The following CHD2 variants were observed in gnomAD, a reference collection of about 807,000 sequenced individuals.
CHD2 encodes the protein ATP-dependent chromatin remodeler CHD2.
Under a neutral mutation model 243.9 loss-of-function variants are expected in CHD2, and 28 were observed. The ratio of observed to expected loss-of-function variants is 0.11; its 90% CI spans 0.09 to 0.16. CHD2 has a LOEUF of 0.16. CHD2 is among the 10% of genes least tolerant of loss of function. The probability of loss-of-function intolerance (pLI) is 1.00; values close to 1 mark genes in which losing one functional copy is unlikely to be tolerated. For missense variants in CHD2, 1,386 were observed against 2,209.8 expected, an observed-to-expected ratio of 0.63 and a Z score of 7.47; for synonymous variants, 775 against 779.0, an observed-to-expected ratio of 0.99 and a Z score of 0.09.
chr15:93,007,011 C>T (rs1244244671), intron 34 of CHD2, among the ~76,000 whole-genome samples: 1 of 152,126 alleles, frequency 6.6e-6, no homozygotes, highest in African/African-American at 2.4e-5. Flanking sequence ...AAATTGTTGC[C>T]CATATTTTCT....
Position 92,998,809 on chromosome 15 carries a change from C to T in CHD2, c.4008+188C>T, listed in dbSNP as rs973393572. ...AATAGAAATGTTCATTTAGGCCTGG[C>T]GCAGTGGCTCATGCCTGTAATCCCA... On this transcript the variant is annotated intron_variant, in intron 31 of 38. Transcript: ENST00000394196. The surrounding 1 kb of genome is among the most constrained non-coding windows in gnomAD (Gnocchi z 5.1). 6.6e-6 allele frequency among the ~76,000 whole-genome samples: 1 copy of T among 152,074 alleles called. No individual in the cohort carries two copies. The highest frequency in any genetic ancestry group is 2.4e-5 in the African/African-American group (1 of 41,400).
At chr15:92,930,601 T>A (rs1278734126) in intron 5 of CHD2, among the ~76,000 whole-genome samples, 5 of 152,076 alleles carry the variant, frequency 3.3e-5, no homozygotes, top group Non-Finnish European at 7.3e-5. Context: ...GCTAAGTTTT[T>A]AAAAATTTAT....
At chr15:92,940,790 TATAAATATATAA>T (rs2053350959) in intron 7 of CHD2, among the ~76,000 whole-genome samples, 1 of 128,800 alleles carries the variant, frequency 7.8e-6, no homozygotes, top group Non-Finnish European at 1.7e-5. Flanking sequence ...ATAAAAAATA[TATAAATATATAA>T]ATAAATATAA....
chr15:92,976,547 G>C (rs1176551992), intron 20 of CHD2, among the ~76,000 whole-genome samples: 1 of 151,614 alleles, frequency 6.6e-6, no homozygotes, highest in Non-Finnish European at 1.5e-5. Flanking sequence ...GCGCATAGTG[G>C]CTCACACCTG....
intron 36 of CHD2, among the ~76,000 whole-genome samples, chr15:93,013,761 C>G (rs1036872612): frequency 4.0e-5 from 6 of 151,834 alleles, no homozygotes; most frequent in African/African-American, 1.2e-4. Context: ...GTGATGAAGC[C>G]TCATCTCTAC....
intron 2 of CHD2, among the ~76,000 whole-genome samples, chr15:92,903,033 T>C (rs1401884510): frequency 6.6e-6 from 1 of 152,216 alleles, no homozygotes; most frequent in African/African-American, 2.4e-5. Context: ...TACTTTTAAA[T>C]TGGTTTGTCA....
At chr15:92,940,842 AT>A (rs2053354988) in intron 7 of CHD2, among the ~76,000 whole-genome samples, 1 of 133,334 alleles carries the variant, frequency 7.5e-6, no homozygotes, top group South Asian at 2.4e-4. Context: ...ATATATAAAA[AT>A]ATATATAAAT....
intron 33 of CHD2, among the ~76,000 whole-genome samples, chr15:93,003,695 C>T (rs2054286105): frequency 6.6e-6 from 1 of 151,180 alleles, no homozygotes; most frequent in Non-Finnish European, 1.5e-5. Flanking sequence ...GATTTTATTA[C>T]TCTTCCTCTG....
intron 2 of CHD2, among the ~76,000 whole-genome samples, chr15:92,903,056 A>G (rs192573474): frequency 5.9e-5 from 9 of 152,336 alleles, no homozygotes; most frequent in Admixed American, 1.3e-4. Flanking sequence ...TATACTTTGA[A>G]TCATATACCT....
At chr15:92,908,577 TTCTG>T (rs1458752581) in intron 2 of CHD2, among the ~76,000 whole-genome samples, 3 of 152,202 alleles carry the variant, frequency 2.0e-5, no homozygotes, top group Non-Finnish European at 4.4e-5. Flanking sequence ...TTGCATGTGT[TTCTG>T]TATGTTTGCA....
chr15:92,914,577 T>C (rs2052799694), intron 2 of CHD2, among the ~76,000 whole-genome samples: 2 of 152,190 alleles, frequency 1.3e-5, no homozygotes, highest in Admixed American at 6.5e-5. Flanking sequence ...TGATTAAAGG[T>C]AAATTTTTTT....
chr15:92,910,280 A>G (rs1809183747), intron 2 of CHD2, among the ~76,000 whole-genome samples: 1 of 152,192 alleles, frequency 6.6e-6, no homozygotes, highest in Non-Finnish European at 1.5e-5. Flanking sequence ...ATTTAATATG[A>G]AAGTCAGTAT....
chr15:92,998,876 G>A lies in CHD2; in HGVS notation c.4008+255G>A, dbSNP rs2054216841. ...AGGCGGGCGGATCACAAGGTCAGGA[G>A]ATTGAGACCATCCTGGCTAATATGG... On this transcript the variant is annotated intron_variant, in intron 31 of 38. Transcript: ENST00000394196. This position sits in a 1 kb window ranked among gnomAD's most constrained non-coding sequence, Gnocchi z 5.1. 2.0e-5 allele frequency among the ~76,000 whole-genome samples: 3 copies of A among 152,092 alleles called. No individual in the cohort carries two copies. The highest frequency in any genetic ancestry group is 2.0e-4 in the Admixed American group (3 of 15,274).
intron 2 of CHD2, among the ~76,000 whole-genome samples, chr15:92,913,331 T>G (rs887710357): frequency 2.0e-5 from 3 of 152,208 alleles, no homozygotes; most frequent in African/African-American, 7.2e-5. Flanking sequence ...GTAGTACTTG[T>G]CTCTTAGGGA....
intron 2 of CHD2, among the ~76,000 whole-genome samples, chr15:92,906,603 G>T (rs2052625538): frequency 6.7e-6 from 1 of 150,142 alleles, no homozygotes; most frequent in South Asian, 2.1e-4. Flanking sequence ...GTTTGTTTCT[G>T]GTATAAAAAT....
chr15:92,971,586 G>A (rs903132220), intron 17 of CHD2, among the ~76,000 whole-genome samples, 179 bp from the exon 18 acceptor site: 1 of 152,172 alleles, frequency 6.6e-6, no homozygotes, highest in Non-Finnish European at 1.5e-5. Context: ...TCTGACTGGA[G>A]ATGTGAAAGA....
chr15:92,941,865 A>C lies in CHD2; in HGVS notation c.736A>C (p.Ile246Leu). The part of the protein sequence containing the change: ...DDFETDSDDL[I>L]EMTGEGVDEQ... ...CTTTGAGACTGACTCAGATGATCTC[A>C]TTGAAATGACTGGAGAAGGAGTTGA... Residue 246 changes from isoleucine to leucine, a missense_variant, in exon 8 of 39, where the codon ATT becomes CTT. By Grantham distance (5) the Ile-to-Leu change is conservative. Transcript: ENST00000394196. The C allele has an allele frequency of 1.2e-6, 2 of 1,613,428 alleles. No homozygotes were observed. The highest frequency in any genetic ancestry group is 1.7e-6 in the Non-Finnish European group (2 of 1,179,508).
intron 34 of CHD2, among the ~76,000 whole-genome samples, chr15:93,007,897 A>G (rs2054341797): frequency 6.6e-6 from 1 of 152,136 alleles, no homozygotes; most frequent in Admixed American, 6.5e-5. Context: ...ATATCTTTAT[A>G]CTTCTCTTTG....
rs376511529 is a variant in CHD2 at position 92,940,913 on chromosome 15, T to A, written c.693-909T>A. 4.0e-3 allele frequency among the ~76,000 whole-genome samples: 534 copies of A among 134,652 alleles called. 3 individuals are homozygous for A. The highest frequency in any genetic ancestry group is 0.013 in the African/African-American group (463 of 36,254). 88.3% of individuals were successfully genotyped at this position (134,652 alleles called of 152,430 possible). Reference sequence around the variant, plus strand: ...ATAAAAATATATATAAATATATATATAAATATACATATAAATATATATAAA... The same window carrying A: ...ATAAAAATATATATAAATATATATAAAAATATACATATAAATATATATAAA... On this transcript the variant is annotated intron_variant, in intron 7 of 38. Coordinates refer to ENST00000394196, the MANE Select transcript of CHD2 (RefSeq NM_001271.4).
Sources: allele counts gnomAD v4.1 joint callset (sites outside exome capture counted in the v4.1 genomes callset), GRCh38; gene constraint gnomAD v4.1.1; non-coding constraint Gnocchi (gnomAD v3.1); transcripts MANE v1.5; gene names NCBI Gene and HGNC (gene_info 2026-07-23, HGNC 2026-07-21).